WDR64: variants seen among roughly 807,000 people sequenced by gnomAD.
WDR64 encodes the protein WD repeat domain 64.
WDR64 carries 112 observed loss-of-function variants against 139.3 expected under a neutral mutation model. That is an observed-to-expected ratio of 0.80 (90% CI 0.69 to 0.94). The LOEUF (loss-of-function observed/expected upper bound fraction) is 0.94. WDR64 is among the 40% of genes least tolerant of loss of function. WDR64 has a pLI of 0.00. For missense variants in WDR64, 1,206 were observed against 1,293.1 expected (o/e 0.93, Z 1.03); for synonymous variants, 444 against 437.7 (o/e 1.01, Z -0.18).
chr1:241,744,729 C>T (rs1307797102), intron 13 of WDR64, among the ~76,000 whole-genome samples: 1 of 152,220 alleles, frequency 6.6e-6, no homozygotes, highest in Non-Finnish European at 1.5e-5. Flanking sequence ...TAATTCCTCA[C>T]ATTGCATTTA....
chr1:241,654,365 G>C (rs1043772321), intron 1 of WDR64, among the ~76,000 whole-genome samples: 2 of 152,188 alleles, frequency 1.3e-5, no homozygotes, highest in Admixed American at 1.3e-4. Context: ...CTCAGGTCTG[G>C]CTTCTCTGAT....
intron 8 of WDR64, among the ~76,000 whole-genome samples, chr1:241,700,646 C>T (rs1278917759): frequency 6.6e-6 from 1 of 152,130 alleles, no homozygotes; most frequent in Non-Finnish European, 1.5e-5. Flanking sequence ...TCTAATGTAA[C>T]CTTTGCCAAC....
At chr1:241,719,859 A>G (rs1668541649) in intron 9 of WDR64, among the ~76,000 whole-genome samples, 1 of 152,092 alleles carries the variant, frequency 6.6e-6, no homozygotes. Flanking sequence ...GGTTTGTTAC[A>G]TAGGTAAACA....
chr1:241,676,693 T>A (rs1341035192), intron 4 of WDR64, among the ~76,000 whole-genome samples: 1 of 151,860 alleles, frequency 6.6e-6, no homozygotes, highest in Non-Finnish European at 1.5e-5. Context: ...CAAACACATA[T>A]GTTTTTTATA....
rs377138919 is a variant in WDR64 at position 241,726,928 on chromosome 1, C to A, written c.1194+3492C>A. ...TGAGACGAAGTTTCATTCTTGTTGT[C>A]CAGGCTGGAGTGCAATGGCACCATC... On this transcript the variant is annotated intron_variant, in intron 10 of 27. Transcript: ENST00000437684. Among the ~76,000 whole-genome samples, 6 of 150,684 alleles carry A rather than the reference C, an allele frequency of 4.0e-5. No homozygotes were observed. In the South Asian group the frequency reaches 1.0e-3, roughly 26 times the overall value.
At chr1:241,725,858 T>C (rs1668811856) in intron 10 of WDR64, among the ~76,000 whole-genome samples, 1 of 152,070 alleles carries the variant, frequency 6.6e-6, no homozygotes, top group Non-Finnish European at 1.5e-5. Context: ...GACAGGATCT[T>C]GCTCTGTCGT....
At chr1:241,702,636 A>G (rs912371541) in intron 8 of WDR64, among the ~76,000 whole-genome samples, 9 of 152,222 alleles carry the variant, frequency 5.9e-5, no homozygotes, top group African/African-American at 2.2e-4. Context: ...GGATTAGCAA[A>G]CTGTAGCCCA....
chr1:241,802,614 G>A lies in WDR64; in HGVS notation c.*1399G>A, dbSNP rs955054392. On this transcript the variant is annotated 3_prime_UTR_variant, in exon 28 of 28. Transcript: ENST00000437684. ...GATATGCATGCTAATAGGATTACTA[G>A]TGTCTTCCACTTACTTTGAAATGAA... Among the ~76,000 whole-genome samples the A allele has an allele frequency of 5.9e-5, 9 of 152,168 alleles. No homozygotes were observed. The highest frequency in any genetic ancestry group is 1.3e-4 in the Non-Finnish European group (9 of 68,022).
chr1:241,691,152 A>C (rs1312405108), intron 8 of WDR64, among the ~76,000 whole-genome samples: 1 of 152,224 alleles, frequency 6.6e-6, no homozygotes, highest in African/African-American at 2.4e-5. Context: ...TTTTTTAAAA[A>C]ATGTGTAACT....
chr1:241,661,950 A>T (rs1048133674), intron 2 of WDR64, among the ~76,000 whole-genome samples: 1 of 152,208 alleles, frequency 6.6e-6, no homozygotes, highest in Non-Finnish European at 1.5e-5. Flanking sequence ...GTTTTGATAG[A>T]GGCTGAATGG....
chr1:241,766,098 A>C, intron 15 of WDR64, 120 bp from the exon 16 acceptor site: 1 of 925,886 alleles, frequency 1.1e-6, no homozygotes, highest in Non-Finnish European at 1.5e-6. Context: ...CTGATATTAA[A>C]AATATATATA....
intron 2 of WDR64, among the ~76,000 whole-genome samples, chr1:241,668,284 C>T (rs541833978): frequency 1.2e-3 from 180 of 152,052 alleles, no homozygotes; most frequent in African/African-American, 4.2e-3. Flanking sequence ...CCGAGGGGGG[C>T]GGATCACGAG....
intron 13 of WDR64, among the ~76,000 whole-genome samples, chr1:241,747,940 GA>G (rs1275190947): frequency 1.3e-5 from 2 of 152,202 alleles, no homozygotes; most frequent in African/African-American, 4.8e-5. Context: ...AGGATAGCAT[GA>G]GAGTACAGCG....
chr1:241,766,828 G>C (rs1658197797), intron 16 of WDR64, among the ~76,000 whole-genome samples: 1 of 152,090 alleles, frequency 6.6e-6, no homozygotes, highest in Non-Finnish European at 1.5e-5. Flanking sequence ...CTAAATCCCA[G>C]GATGATATAA....
chr1:241,738,638 A>G (rs1669419627), intron 11 of WDR64, 149 bp downstream of exon 11: 3 of 814,700 alleles, frequency 3.7e-6, no homozygotes, highest in Non-Finnish European at 5.4e-6. Flanking sequence ...ATTTAATTCA[A>G]TTCTGCTCTT....
chr1:241,733,094 C>CTT, intron 10 of WDR64, among the ~76,000 whole-genome samples: 1 of 152,234 alleles, frequency 6.6e-6, no homozygotes, highest in East Asian at 1.9e-4. Context: ...ACAAATTACC[C>CTT]TCAAAACACT....
At position 241,801,439 on chromosome 1, in the gene WDR64, T is replaced by A; in HGVS notation, c.*224T>A. 1 of 484,650 alleles carries A rather than the reference T, an allele frequency of 2.1e-6. No homozygotes were observed. The highest frequency in any genetic ancestry group is 3.7e-6 in the Non-Finnish European group (1 of 272,576). 30.0% of individuals were successfully genotyped at this position (484,650 alleles called of 1,614,324 possible). On this transcript the variant is annotated 3_prime_UTR_variant, in exon 28 of 28. Coordinates refer to ENST00000437684, the MANE Select transcript of WDR64 (RefSeq NM_001367482.1). ...AGAAGTTTAGGCGGTGTTTCTTATT[T>A]ACTGTCAGCAAACTGACACATAAGA...
At chr1:241,693,770 C>T (rs989958969) in intron 8 of WDR64, among the ~76,000 whole-genome samples, 2 of 152,138 alleles carry the variant, frequency 1.3e-5, no homozygotes, top group Admixed American at 6.5e-5. Context: ...GCAACAACAA[C>T]AGCCATATTA....
In WDR64 at chr1:241,757,248, G is replaced by A. The variant is rs765655131; in HGVS notation, c.1771-35G>A. The A allele has an allele frequency of 5.1e-6, 8 of 1,575,458 alleles. No individual in the cohort carries two copies. In the Middle Eastern group the frequency reaches 1.2e-3, roughly 235 times the overall value. On this transcript the variant is annotated intron_variant, in intron 14 of 27. Coordinates refer to ENST00000437684, the MANE Select transcript of WDR64 (RefSeq NM_001367482.1). ...TAAAACAGTTCAAAATAAAATAATT[G>A]AACTTTTCATGCACTCACTGGATTT... is the stretch of plus-strand genomic sequence containing the variant.
Sources: allele counts gnomAD v4.1 joint callset (sites outside exome capture counted in the v4.1 genomes callset), GRCh38; gene constraint gnomAD v4.1.1; transcripts MANE v1.5; gene names NCBI Gene and HGNC (gene_info 2026-07-23, HGNC 2026-07-21).